AAMDC: variants seen among roughly 807,000 people sequenced by gnomAD.
AAMDC encodes the protein mth938 domain-containing protein.
AAMDC carries 16 observed loss-of-function variants against 15.5 expected under a neutral mutation model. That is an observed-to-expected ratio of 1.03 (90% CI 0.70 to 1.57). The LOEUF is 1.57. AAMDC is among the 40% of genes most tolerant of loss of function. The probability of loss-of-function intolerance (pLI) is 0.00; values close to 1 mark genes in which losing one functional copy is unlikely to be tolerated. For synonymous variants in AAMDC, 51 were observed against 51.6 expected (o/e 0.99, Z 0.05); for missense variants, 141 against 144.9 (o/e 0.97, Z 0.14).
At chr11:77,827,595 ATAATAAAC>A (rs1446356352) in intron 1 of AAMDC, among the ~76,000 whole-genome samples, 1 of 152,228 alleles carries the variant, frequency 6.6e-6, no homozygotes, top group African/African-American at 2.4e-5. Context: ...CATGTTAAAA[ATAATAAAC>A]TAGGAAGAGA....
At chr11:77,843,639 T>C (rs1950024781) in intron 2 of AAMDC, among the ~76,000 whole-genome samples, 1 of 152,174 alleles carries the variant, frequency 6.6e-6, no homozygotes, top group South Asian at 2.1e-4. Flanking sequence ...ATAAAAAAAA[T>C]TGTCATAGAC....
chr11:77,897,523 C>T lies in AAMDC; in HGVS notation c.329-3048C>T, dbSNP rs182750055. On this transcript the variant is annotated intron_variant, in intron 5 of 5. Transcript: ENST00000304716. ...TATTATTATTATTTTTTTTTTGAGA[C>T]AGAGTCTCACTCTGTCACCCAGGCT... 6.0e-5 allele frequency among the ~76,000 whole-genome samples: 9 copies of T among 150,494 alleles called. No individual in the cohort carries two copies. The East Asian group carries it at 1.6e-3, about 26-fold the overall frequency.
At chr11:77,857,855 C>T (rs988836592) in intron 2 of AAMDC, among the ~76,000 whole-genome samples, 2 of 152,010 alleles carry the variant, frequency 1.3e-5, no homozygotes, top group Non-Finnish European at 2.9e-5. Context: ...CACCACCATG[C>T]CCTGCTAATT....
In AAMDC at chr11:77,842,588, G is replaced by T. The variant is rs147321032; in HGVS notation, c.92G>T (p.Gly31Val). ...TTYKDCKVWP[G>V]GSRTWDWRET... Reference sequence around the variant, plus strand: ...TATAAGGACTGCAAAGTATGGCCAGGGGGTAGTCGGACTTGGGATTGGAGA... The same window carrying T: ...TATAAGGACTGCAAAGTATGGCCAGTGGGTAGTCGGACTTGGGATTGGAGA... The change falls in exon 2 of 4, where the codon GGG (glycine) becomes GTG (valine). Residue 31 changes from glycine to valine, a missense_variant. Transcript: ENST00000393427. The T allele has an allele frequency of 1.9e-6, 3 of 1,613,868 alleles. No individual in the cohort carries two copies. Among genetic ancestry groups the T allele is most frequent in the Admixed American group, 1.7e-5 (1 of 59,968 alleles).
chr11:77,843,833 A>G (rs1215449741), intron 2 of AAMDC, among the ~76,000 whole-genome samples: 2 of 152,164 alleles, frequency 1.3e-5, no homozygotes, highest in Non-Finnish European at 2.9e-5. Flanking sequence ...ACAGTTCCAC[A>G]TGGCTGGGGA....
chr11:77,902,500 G>T (rs1179581120), downstream of AAMDC, among the ~76,000 whole-genome samples: 1 of 152,098 alleles, frequency 6.6e-6, no homozygotes, highest in Non-Finnish European at 1.5e-5. Context: ...CAGATTCTGG[G>T]TATCAGAGGA....
intron 1 of AAMDC, among the ~76,000 whole-genome samples, chr11:77,838,372 C>T (rs1479259207): frequency 6.6e-6 from 1 of 152,146 alleles, no homozygotes; most frequent in African/African-American, 2.4e-5. Flanking sequence ...ATCCTTGATA[C>T]ACTGAGTTGG....
chr11:77,828,369 A>T (rs1949273083), intron 1 of AAMDC, among the ~76,000 whole-genome samples: 1 of 152,144 alleles, frequency 6.6e-6, no homozygotes, highest in African/African-American at 2.4e-5. Context: ...AAAAAGAAAT[A>T]CAAGAATGAA....
intron 3 of AAMDC, 107 bp from the exon 4 acceptor site, chr11:77,872,068 G>T: frequency 7.9e-7 from 1 of 1,272,874 alleles, no homozygotes; most frequent in South Asian, 1.7e-5. Context: ...ATCGTGAAGT[G>T]ACGATTGTCA....
At chr11:77,854,136 G>A (rs997854338) in intron 2 of AAMDC, among the ~76,000 whole-genome samples, 11 of 151,452 alleles carry the variant, frequency 7.3e-5, no homozygotes, top group East Asian at 2.0e-4. Context: ...GACTACAGGC[G>A]CCCGCCACCA....
At chr11:77,826,697 A>T (rs1048288036) in intron 1 of AAMDC, among the ~76,000 whole-genome samples, 2 of 152,226 alleles carry the variant, frequency 1.3e-5, no homozygotes, top group Non-Finnish European at 2.9e-5. Flanking sequence ...CTATAACTGT[A>T]TGCCTGCAAA....
chr11:77,831,326 C>T (rs1333815237), intron 1 of AAMDC, among the ~76,000 whole-genome samples: 2 of 152,124 alleles, frequency 1.3e-5, no homozygotes, highest in Non-Finnish European at 2.9e-5. Flanking sequence ...TTACTTGAAC[C>T]AGCAGTTCCT....
intron 5 of AAMDC, among the ~76,000 whole-genome samples, chr11:77,882,796 C>G (rs748747462): frequency 6.6e-6 from 1 of 152,172 alleles, no homozygotes; most frequent in South Asian, 2.1e-4. Flanking sequence ...AAAGGCCCAG[C>G]GCAGTGGCTC....
intron 1 of AAMDC, among the ~76,000 whole-genome samples, chr11:77,822,091 T>G (rs1948935982): frequency 6.6e-6 from 1 of 152,186 alleles, no homozygotes; most frequent in African/African-American, 2.4e-5. Flanking sequence ...GTCTATAATT[T>G]ATTACTTTGA....
At chr11:77,829,847 C>G (rs1462362697) in intron 1 of AAMDC, 1 of 152,168 alleles carries the variant, frequency 6.6e-6, no homozygotes, top group Non-Finnish European at 1.5e-5. Context: ...GAAAGAAAAT[C>G]AAGTCTGGGC....
At chr11:77,902,983 C>A (rs542963058), downstream of AAMDC, among the ~76,000 whole-genome samples, 164 of 152,232 alleles carry the variant, frequency 1.1e-3, 1 homozygote, top group African/African-American at 3.9e-3. Context: ...TTGGCCAGGC[C>A]GGTCTCAAAC....
At chr11:77,878,279 T>G (rs201822048) in intron 5 of AAMDC, among the ~76,000 whole-genome samples, 181 of 151,938 alleles carry the variant, frequency 1.2e-3, no homozygotes, top group South Asian at 1.7e-3. Flanking sequence ...GGAGAATGGC[T>G]TGAACCCAGG....
At chr11:77,855,126 G>C (rs1180218050) in intron 2 of AAMDC, among the ~76,000 whole-genome samples, 2 of 152,144 alleles carry the variant, frequency 1.3e-5, no homozygotes, top group African/African-American at 4.8e-5. Flanking sequence ...AGAGCAGTGA[G>C]GCCTTGTACC....
intron 2 of AAMDC, chr11:77,850,855 G>A (rs527447479): frequency 6.6e-6 from 1 of 151,212 alleles, no homozygotes; most frequent in South Asian, 2.1e-4. Context: ...TCACAGATAC[G>A]ACATTTCAGT....
Sources: allele counts gnomAD v4.1 joint callset (sites outside exome capture counted in the v4.1 genomes callset), GRCh38; gene constraint gnomAD v4.1.1; transcripts MANE v1.5; gene names NCBI Gene and HGNC (gene_info 2026-07-23, HGNC 2026-07-21).